Variants in RCOR3 observed in about 807,000 individuals in gnomAD.
The protein encoded by RCOR3 is REST corepressor 3.
Under a neutral mutation model 64.1 loss-of-function variants are expected in RCOR3, and 13 were observed. The ratio of observed to expected loss-of-function variants is 0.20; its 90% confidence interval spans 0.13 to 0.32. The LOEUF is 0.32. Ranked by LOEUF, RCOR3 falls within the 10% of genes least tolerant of loss-of-function variation. The probability of loss-of-function intolerance (pLI) is 1.00; values close to 1 mark genes in which losing one functional copy is unlikely to be tolerated. For synonymous variants in RCOR3, 215 were observed against 239.0 expected (o/e 0.90, Z 0.93); for missense variants, 489 against 701.2 (o/e 0.70, Z 3.42).
intron 2 of RCOR3, among the ~76,000 whole-genome samples, chr1:211,264,794 G>C (rs1337559023): frequency 6.6e-6 from 1 of 152,106 alleles, no homozygotes; most frequent in African/African-American, 2.4e-5. Context: ...CTTAATTATG[G>C]AACCATTGAT....
chr1:211,306,789 AG>A (rs1700892652), intron 10 of RCOR3, among the ~76,000 whole-genome samples: 1 of 152,168 alleles, frequency 6.6e-6, no homozygotes, highest in Non-Finnish European at 1.5e-5. Flanking sequence ...ATCAGAAGAG[AG>A]GGGAACCATG....
At chr1:211,303,211 A>G (rs1365194916) in intron 9 of RCOR3, 1 of 152,004 alleles carries the variant, frequency 6.6e-6, no homozygotes, top group African/African-American at 2.4e-5. Flanking sequence ...CTCCTCTAAC[A>G]AATTTTTTTT....
At chr1:211,289,146 AG>A in intron 7 of RCOR3, 31 bp from the exon 8 acceptor site, 1 of 1,534,748 alleles carries the variant, frequency 6.5e-7, no homozygotes, top group South Asian at 1.1e-5. Flanking sequence ...GTGAAAACCA[AG>A]TGACCTGTTA....
At chr1:211,259,964 C>T (rs1693919312) in intron 1 of RCOR3, 144 bp from the exon 2 acceptor site, 11 of 1,384,012 alleles carry the variant, frequency 7.9e-6, no homozygotes, top group South Asian at 1.7e-5. Context: ...TGCCATCTCC[C>T]GGAGTGCCCC....
chr1:211,310,108 T>G (rs1286366197), intron 10 of RCOR3, among the ~76,000 whole-genome samples: 1 of 152,222 alleles, frequency 6.6e-6, no homozygotes, highest in Non-Finnish European at 1.5e-5. Context: ...AAGCACTTCC[T>G]GTGTACTCAG....
Position 211,272,612 on chromosome 1 carries a change from CTTTTTTTTTTTTT to C in RCOR3, c.301+1318_301+1330del, listed in dbSNP as rs768152573. ...TCAAGGGTGGATCCTGGATGTCTTACTTTTTTTTTTTTTTTTTTTTTTTTTTTGAGACGGAGTC... is the reference window on the plus strand; with the variant it reads ...TCAAGGGTGGATCCTGGATGTCTTACTTTTTTTTTTTTTTGAGACGGAGTC... On this transcript the variant is annotated intron_variant, in intron 3 of 11. Transcript: ENST00000419091. Among the ~76,000 whole-genome samples the C allele has an allele frequency of 2.5e-4, 11 of 43,518 alleles. No homozygotes were observed. The East Asian group carries it at 3.5e-3, about 14-fold the overall frequency. 28.5% of individuals were successfully genotyped at this position (43,518 alleles called of 152,430 possible). A position where few individuals can be genotyped will look rare whatever the true frequency, so the allele number is the denominator to read the frequency against.
At chr1:211,294,131 A>T (rs1699573087) in intron 8 of RCOR3, among the ~76,000 whole-genome samples, 1 of 152,242 alleles carries the variant, frequency 6.6e-6, no homozygotes, top group Non-Finnish European at 1.5e-5. Flanking sequence ...TGAGCATAAC[A>T]TGAATTTTTT....
intron 7 of RCOR3, among the ~76,000 whole-genome samples, chr1:211,280,917 G>C (rs1391953429): frequency 6.6e-5 from 10 of 151,486 alleles, no homozygotes; most frequent in Non-Finnish European, 1.3e-4. Flanking sequence ...CCAGGAGGCG[G>C]AGGTTGCAGT....
intron 2 of RCOR3, among the ~76,000 whole-genome samples, chr1:211,270,844 G>C (rs1367596423): frequency 6.6e-6 from 1 of 151,176 alleles, no homozygotes; most frequent in East Asian, 1.9e-4. Context: ...TACTAAAACA[G>C]AAATAAAGCT....
At chr1:211,259,870 A>G in intron 1 of RCOR3, 144 bp downstream of exon 1, 1 of 1,080,080 alleles carries the variant, frequency 9.3e-7, no homozygotes, top group South Asian at 1.7e-5. Flanking sequence ...GGTGCAGTGC[A>G]GCAGCACCCC....
rs575558565 is a variant in RCOR3, at chr1:211,313,149, G to A, written c.1317+188G>A. The A allele has an allele frequency of 2.0e-6, 3 of 1,468,094 alleles. No homozygotes were observed. The highest frequency in any genetic ancestry group is 4.8e-5 in the East Asian group (2 of 41,420). The allele number at this position is 1,468,094 out of a possible 1,614,324, so 90.9% of individuals were successfully genotyped here. On this transcript the variant is annotated intron_variant, in intron 11 of 11. Coordinates refer to ENST00000419091, the MANE Select transcript of RCOR3 (RefSeq NM_001136223.3). This position sits in a 1 kb window ranked among gnomAD's most constrained non-coding sequence, Gnocchi z 4.7. Reference sequence around the variant, plus strand: ...GACATGCTAAGTTCTGATTCTAGAAGAATGGAGAGTGTATTGTTCTTTCAT... The same window carrying A: ...GACATGCTAAGTTCTGATTCTAGAAAAATGGAGAGTGTATTGTTCTTTCAT...
chr1:211,259,999 G>T, intron 1 of RCOR3, 109 bp from the exon 2 acceptor site: 2 of 1,081,712 alleles, frequency 1.8e-6, no homozygotes, highest in Non-Finnish European at 1.1e-6. Flanking sequence ...CCATCCACCC[G>T]CCGCTTCTTT....
intron 2 of RCOR3, among the ~76,000 whole-genome samples, chr1:211,270,070 T>TC (rs2102462044): frequency 6.6e-6 from 1 of 151,354 alleles, no homozygotes; most frequent in South Asian, 2.1e-4. Context: ...TCTTGACTTT[T>TC]TTTTTTTTTT....
At chr1:211,273,028 AT>A (rs1310394611) in intron 3 of RCOR3, among the ~76,000 whole-genome samples, 2 of 152,214 alleles carry the variant, frequency 1.3e-5, no homozygotes, top group African/African-American at 4.8e-5. Context: ...CCTGTCATGT[AT>A]TTAAGTGCTT....
chr1:211,263,791 AATAAT>A (rs1262666873), intron 2 of RCOR3, among the ~76,000 whole-genome samples: 2 of 149,882 alleles, frequency 1.3e-5, no homozygotes, highest in African/African-American at 4.9e-5. Flanking sequence ...CCTTGGGAAA[AATAAT>A]AGATGAAAAG....
rs977231578 is a variant in RCOR3, at chr1:211,260,048, C to T, written c.167-60C>T. 5 of 1,500,620 alleles carry T rather than the reference C, an allele frequency of 3.3e-6. No individual in the cohort carries two copies. In the African/African-American group the frequency reaches 4.3e-5, roughly 13 times the overall value. The allele number at this position is 1,500,620 out of a possible 1,614,324, so 93.0% of individuals were successfully genotyped here. Reference sequence around the variant, plus strand: ...ATTTTTATTTTTTAAGTGTCTCTTCCTTTTTCTTTCTTTTCTTCTTTTTTA... The same window carrying T: ...ATTTTTATTTTTTAAGTGTCTCTTCTTTTTTCTTTCTTTTCTTCTTTTTTA... On this transcript the variant is annotated intron_variant, in intron 1 of 11. Coordinates refer to ENST00000419091, the MANE Select transcript of RCOR3 (RefSeq NM_001136223.3).
chr1:211,265,168 ACT>A lies in RCOR3; in HGVS notation c.223+5005_223+5006del, dbSNP rs560898749. 7.6e-3 allele frequency among the ~76,000 whole-genome samples: 1,164 copies of A among 152,342 alleles called. 16 individuals carry two copies. The highest frequency in any genetic ancestry group is 0.026 in the African/African-American group (1,096 of 41,584). On this transcript the variant is annotated intron_variant, in intron 2 of 11. Transcript: ENST00000419091. ...TTTTAGTCGACATCTGTTATTTGTC[ACT>A]GAGTTTAAATAGTTGAAAAATATAA... is the stretch of plus-strand genomic sequence containing the variant.
In RCOR3 at chr1:211,312,320, C is replaced by T. The variant is rs1391675339; in HGVS notation, c.1076-400C>T. ...ATAAGAGAGATGGCTCATTCCCATC[C>T]AGTTTTGTTTACAAACGATGTTGCT... On this transcript the variant is annotated intron_variant, in intron 10 of 11. Coordinates refer to ENST00000419091, the MANE Select transcript of RCOR3 (RefSeq NM_001136223.3). The surrounding 1 kb of genome is among the most constrained non-coding windows in gnomAD (Gnocchi z 5.0). The T allele has an allele frequency of 2.2e-6, 1 of 458,464 alleles. No homozygotes were observed. Among genetic ancestry groups the T allele is most frequent in the Admixed American group, 2.3e-5 (1 of 42,632 alleles). 28.4% of individuals were successfully genotyped at this position (458,464 alleles called of 1,614,324 possible). A position where few individuals can be genotyped will look rare whatever the true frequency, so the allele number is the denominator to read the frequency against.
intron 9 of RCOR3, among the ~76,000 whole-genome samples, chr1:211,300,335 G>A (rs1417651942): frequency 6.6e-6 from 1 of 152,002 alleles, no homozygotes; most frequent in Non-Finnish European, 1.5e-5. Context: ...CTCCCAAAGT[G>A]CTAGGATTAC....
Sources: allele counts gnomAD v4.1 joint callset (sites outside exome capture counted in the v4.1 genomes callset), GRCh38; gene constraint gnomAD v4.1.1; non-coding constraint Gnocchi (gnomAD v3.1); transcripts MANE v1.5; gene names NCBI Gene and HGNC (gene_info 2026-07-23, HGNC 2026-07-21).